GRIK4: variants seen among roughly 807,000 people sequenced by gnomAD.
GRIK4 encodes the protein glutamate ionotropic receptor kainate type subunit 4.
Under a neutral mutation model 104.9 loss-of-function variants are expected in GRIK4, and 40 were observed. That is an observed-to-expected ratio of 0.38 (90% confidence interval 0.30 to 0.50). The LOEUF (loss-of-function observed/expected upper bound fraction) is 0.50. Among genes scored for constraint, GRIK4 ranks in the 20% least tolerant of loss-of-function variants. GRIK4 has a pLI of 0.93. For missense variants in GRIK4, 1,047 were observed against 1,308.1 expected (o/e 0.80, Z 3.08); for synonymous variants, 485 against 524.9 (o/e 0.92, Z 1.04).
At chr11:120,929,719 A>G (rs1943439231) in intron 13 of GRIK4, among the ~76,000 whole-genome samples, 1 of 152,138 alleles carries the variant, frequency 6.6e-6, no homozygotes, top group Admixed American at 6.5e-5. Flanking sequence ...AGATTGGAGC[A>G]TGGGGCCCTT....
At chr11:120,843,385 TG>T (rs1953768442) in intron 8 of GRIK4, among the ~76,000 whole-genome samples, 1 of 152,248 alleles carries the variant, frequency 6.6e-6, no homozygotes, top group South Asian at 2.1e-4. Flanking sequence ...GGGTATGCCA[TG>T]TTAGAAGACA....
intron 11 of GRIK4, among the ~76,000 whole-genome samples, chr11:120,878,279 T>C (rs547414094): frequency 1.3e-5 from 2 of 152,202 alleles, no homozygotes; most frequent in Non-Finnish European, 2.9e-5. Flanking sequence ...GCCTCACAGC[T>C]ATGAATTCCA....
intron 1 of GRIK4, among the ~76,000 whole-genome samples, chr11:120,608,230 G>A (rs1424078206): frequency 2.0e-5 from 3 of 152,260 alleles, no homozygotes; most frequent in Non-Finnish European, 4.4e-5. Context: ...CAGCCAGCTG[G>A]GAGTGCAGCA....
chr11:120,830,708 A>C (rs974185314), intron 6 of GRIK4, among the ~76,000 whole-genome samples: 1 of 152,202 alleles, frequency 6.6e-6, no homozygotes, highest in Non-Finnish European at 1.5e-5. Flanking sequence ...GAGGACTTAC[A>C]TGAGATAAGC....
chr11:120,910,318 T>A (rs1942963329), intron 13 of GRIK4, among the ~76,000 whole-genome samples: 1 of 152,298 alleles, frequency 6.6e-6, no homozygotes, highest in Admixed American at 6.5e-5. Context: ...TGTGTGAAAA[T>A]CATCAGAGCA....
At chr11:120,732,088 G>C (rs143638700) in intron 3 of GRIK4, among the ~76,000 whole-genome samples, 1 of 151,914 alleles carries the variant, frequency 6.6e-6, no homozygotes, top group East Asian at 1.9e-4. Context: ...TTTGGGTTCA[G>C]TTTGCTCTTG....
chr11:120,772,083 C>T (rs998195931), intron 3 of GRIK4, among the ~76,000 whole-genome samples: 1 of 152,194 alleles, frequency 6.6e-6, no homozygotes, highest in Non-Finnish European at 1.5e-5. Context: ...TGGGGCAGGA[C>T]CACTCAGAGC....
At chr11:120,633,930 G>A (rs1949364009) in intron 1 of GRIK4, among the ~76,000 whole-genome samples, 2 of 152,218 alleles carry the variant, frequency 1.3e-5, no homozygotes, top group African/African-American at 4.8e-5. Flanking sequence ...AGATCTGTGA[G>A]CACGGGGGTG....
At chr11:120,716,388 C>T (rs981619381) in intron 3 of GRIK4, among the ~76,000 whole-genome samples, 1 of 152,084 alleles carries the variant, frequency 6.6e-6, no homozygotes, top group African/African-American at 2.4e-5. Flanking sequence ...GGATTACAGG[C>T]GCCTGCCACT....
rs113029760 is a variant in GRIK4, at chr11:120,526,241, G to A, written c.-159+14354G>A. Among the ~76,000 whole-genome samples the A allele has an allele frequency of 2.3e-3, 343 of 152,044 alleles. 2 individuals carry two copies. Among genetic ancestry groups the A allele is most frequent in the African/African-American group, 7.7e-3 (318 of 41,478 alleles). ...CCTTTGAGGCAGGTCTCACTCTGTC[G>A]CCCAGGCTGGAGTGCGGTGGCATGA... On this transcript the variant is annotated intron_variant, in intron 1 of 20. Transcript: ENST00000527524.
At chr11:120,931,372 T>A (rs1423006133) in intron 13 of GRIK4, among the ~76,000 whole-genome samples, 1 of 152,150 alleles carries the variant, frequency 6.6e-6, no homozygotes, top group East Asian at 1.9e-4. Context: ...TGACCTTGGC[T>A]GGAGTGATAT....
rs575393271 is a variant in GRIK4 at position 120,944,986 on chromosome 11, G to C, written c.1590+4526G>C. ...TTCCTTCATAATCTATTTGCAGCCT[G>C]GGTGTTGGTTTAAAAAAAAAAAAAG... On this transcript the variant is annotated intron_variant, in intron 14 of 20. Coordinates refer to ENST00000527524, the MANE Select transcript of GRIK4 (RefSeq NM_014619.5). Among the ~76,000 whole-genome samples the C allele has an allele frequency of 2.6e-5, 4 of 151,774 alleles. No homozygotes were observed. In the East Asian group the frequency reaches 7.7e-4, roughly 29 times the overall value.
At chr11:120,885,638 G>T (rs1358015712) in intron 11 of GRIK4, among the ~76,000 whole-genome samples, 3 of 152,130 alleles carry the variant, frequency 2.0e-5, no homozygotes, top group Non-Finnish European at 4.4e-5. Context: ...GCCCGCCTCG[G>T]CCTCCCAAAG....
rs1947686946 is a variant in GRIK4 at position 120,513,577 on chromosome 11, G to A, written c.-159+1690G>A. Among the ~76,000 whole-genome samples the A allele has an allele frequency of 6.6e-6, 1 of 152,178 alleles. No homozygotes were observed. Among genetic ancestry groups the A allele is most frequent in the Non-Finnish European group, 1.5e-5 (1 of 68,038 alleles). On this transcript the variant is annotated intron_variant, in intron 1 of 20. Coordinates refer to ENST00000527524, the MANE Select transcript of GRIK4 (RefSeq NM_014619.5). The surrounding 1 kb of genome is among the most constrained non-coding windows in gnomAD (Gnocchi z 4.5). ...TCACTGGCCAGATGTGTTCCTCAAG[G>A]TCACGACCCTTCGGAGAGTTAATCT... is the stretch of plus-strand genomic sequence containing the variant.
At chr11:120,824,257 G>A (rs111728839) in intron 6 of GRIK4, among the ~76,000 whole-genome samples, 7,489 of 152,252 alleles carry the variant, frequency 0.049, 200 homozygotes, top group Middle Eastern at 0.092. Context: ...ACATTTGCAA[G>A]TGCCTGTTTC....
chr11:120,766,919 G>A (rs976942493), intron 3 of GRIK4, among the ~76,000 whole-genome samples: 28 of 151,958 alleles, frequency 1.8e-4, no homozygotes, highest in African/African-American at 6.0e-4. Flanking sequence ...CCAGGAATCC[G>A]TGTATTATAT....
In GRIK4 at chr11:120,962,491, T is replaced by G; in HGVS notation, c.2076T>G (p.Asn692Lys). 1 of 1,613,912 alleles carries G rather than the reference T, an allele frequency of 6.2e-7. No individual in the cohort carries two copies. Among genetic ancestry groups the G allele is most frequent in the Non-Finnish European group, 8.5e-7 (1 of 1,179,812 alleles). ...ACCAGACCTACCAACGCATGTGGAATTACATGTATTCCAAGCAGCCCAGCG... is the reference window on the plus strand; with the variant it reads ...ACCAGACCTACCAACGCATGTGGAAGTACATGTATTCCAAGCAGCCCAGCG... ...SRYQTYQRMW[N>K]YMYSKQPSVF... The change falls in exon 18 of 21, where the codon AAT (asparagine) becomes AAG (lysine). Residue 692 changes from asparagine (N) to lysine (K), a missense_variant. By Grantham distance (94) the Asn-to-Lys change is moderately conservative (BLOSUM62 0). This residue lies in a region of GRIK4 where 440 missense variants were observed against 652.3 expected (regional missense o/e 0.67). Transcript: ENST00000527524.
chr11:120,738,989 G>A (rs1219672600), intron 3 of GRIK4, among the ~76,000 whole-genome samples: 1 of 152,184 alleles, frequency 6.6e-6, no homozygotes, highest in Non-Finnish European at 1.5e-5. Context: ...CAAGATCAGA[G>A]CCAAAAAGTT....
intron 13 of GRIK4, among the ~76,000 whole-genome samples, chr11:120,927,281 A>C (rs1367690324): frequency 2.0e-5 from 3 of 152,156 alleles, no homozygotes; most frequent in Non-Finnish European, 4.4e-5. Context: ...AGAAAGGAAG[A>C]ATTGGCCGGG....
Sources: allele counts gnomAD v4.1 joint callset (sites outside exome capture counted in the v4.1 genomes callset), GRCh38; gene constraint gnomAD v4.1.1; regional missense constraint gnomAD v4.1.1; non-coding constraint Gnocchi (gnomAD v3.1); transcripts MANE v1.5; gene names NCBI Gene and HGNC (gene_info 2026-07-23, HGNC 2026-07-21).